Variants in ANKRD55 observed in about 807,000 individuals in gnomAD.
The protein encoded by ANKRD55 is ankyrin repeat domain-containing protein 55.
A neutral mutation model predicts 60.6 loss-of-function variants in ANKRD55; 41 were observed. The ratio of observed to expected loss-of-function variants is 0.68; its 90% confidence interval spans 0.53 to 0.88. The LOEUF (loss-of-function observed/expected upper bound fraction) is 0.88, where lower values mean the gene tolerates loss of function less well. Among genes scored for constraint, ANKRD55 ranks in the 40% least tolerant of loss-of-function variants. The pLI is 0.00. For synonymous variants in ANKRD55, 264 were observed against 290.3 expected (o/e 0.91, Z 0.92); for missense variants, 732 against 767.6 (o/e 0.95, Z 0.55).
chr5:56,122,033 G>A (rs908377658), intron 8 of ANKRD55, among the ~76,000 whole-genome samples: 10 of 152,100 alleles, frequency 6.6e-5, no homozygotes, highest in East Asian at 3.9e-4. Flanking sequence ...CAAATACTTC[G>A]ATCTAAAACA....
intron 4 of ANKRD55, among the ~76,000 whole-genome samples, chr5:56,173,872 T>C (rs1252034528): frequency 6.6e-6 from 1 of 152,128 alleles, no homozygotes; most frequent in Admixed American, 6.6e-5. Flanking sequence ...TATTTGAGTT[T>C]GACACATCTG....
chr5:56,127,086 G>A lies in ANKRD55; in HGVS notation c.633C>T (p.Cys211=), dbSNP rs773985846. ...WAVQSGNRIL[C]SIILSHHQGP... ...CCTGGTGATGGCTCAGAATGATGGA[G>A]CACAGAATCCTATTTCCACTCTGGA... is the stretch of plus-strand genomic sequence containing the variant. Residue 211 remains cysteine, a synonymous_variant, in exon 8 of 12, where the codon TGC becomes TGT. Transcript: ENST00000341048. The A allele has an allele frequency of 6.2e-7, 1 of 1,610,674 alleles. No homozygotes were observed. The highest frequency in any genetic ancestry group is 8.5e-7 in the Non-Finnish European group (1 of 1,178,326).
intron 2 of ANKRD55, among the ~76,000 whole-genome samples, chr5:56,215,493 G>A (rs1324551225): frequency 6.6e-6 from 1 of 152,210 alleles, no homozygotes; most frequent in African/African-American, 2.4e-5. Context: ...GTCCCTGCCA[G>A]CTCACCTTGA....
At chr5:56,214,963 T>C (rs1759766855) in intron 2 of ANKRD55, among the ~76,000 whole-genome samples, 1 of 152,122 alleles carries the variant, frequency 6.6e-6, no homozygotes. Context: ...CCTCTTACAG[T>C]TTTTTAAAAT....
At chr5:56,166,861 G>A (rs1036476654) in intron 5 of ANKRD55, among the ~76,000 whole-genome samples, 8 of 152,194 alleles carry the variant, frequency 5.3e-5, no homozygotes, top group African/African-American at 7.2e-5. Flanking sequence ...AGAATTTTTC[G>A]GAGGTGCTAA....
intron 9 of ANKRD55, among the ~76,000 whole-genome samples, chr5:56,113,914 T>C (rs1363991585): frequency 6.6e-6 from 1 of 151,266 alleles, no homozygotes. Flanking sequence ...CTTCCCAAAG[T>C]GTGGAGGTTA....
At chr5:56,168,913 G>GTGGT (rs1470872590) in intron 5 of ANKRD55, among the ~76,000 whole-genome samples, 1 of 152,248 alleles carries the variant, frequency 6.6e-6, no homozygotes, top group African/African-American at 2.4e-5. Flanking sequence ...CTGGAGTGCA[G>GTGGT]TGGTGCAAAC....
Position 56,143,796 on chromosome 5 carries a change from C to G in ANKRD55, c.612+5G>C, listed in dbSNP as rs1757828790. On this transcript the variant is annotated splice_donor_5th_base_variant and intron_variant, in intron 7 of 11. Coordinates refer to ENST00000341048, the MANE Select transcript of ANKRD55 (RefSeq NM_024669.3). Reference sequence around the variant, plus strand: ...CTGAGACCAGTCCACAGGTCAATTTCTCACCTGGACTGCCCAGTGGAGAGC... The same window carrying G: ...CTGAGACCAGTCCACAGGTCAATTTGTCACCTGGACTGCCCAGTGGAGAGC... The G allele has an allele frequency of 6.2e-7, 1 of 1,614,050 alleles. No homozygotes were observed. Among genetic ancestry groups the G allele is most frequent in the Non-Finnish European group, 8.5e-7 (1 of 1,180,022 alleles).
intron 6 of ANKRD55, among the ~76,000 whole-genome samples, chr5:56,148,741 T>C (rs1230248223): frequency 6.6e-6 from 1 of 152,128 alleles, no homozygotes; most frequent in Admixed American, 6.5e-5. Flanking sequence ...AGAACTGTAC[T>C]TTTAGAGTGT....
chr5:56,179,232 T>C (rs540656247), intron 3 of ANKRD55, among the ~76,000 whole-genome samples: 2 of 152,342 alleles, frequency 1.3e-5, no homozygotes, highest in East Asian at 3.9e-4. Flanking sequence ...TCCACTTGAA[T>C]AAATCTTAAA....
intron 7 of ANKRD55, among the ~76,000 whole-genome samples, chr5:56,129,184 G>T (rs1757347639): frequency 6.6e-6 from 1 of 152,154 alleles, no homozygotes; most frequent in Non-Finnish European, 1.5e-5. Context: ...AGGCCTGGGA[G>T]GTAGGGAAAG....
chr5:56,208,708 C>A (rs1348546306), intron 2 of ANKRD55, among the ~76,000 whole-genome samples: 1 of 152,150 alleles, frequency 6.6e-6, no homozygotes, highest in Non-Finnish European at 1.5e-5. Context: ...CAGGCGTGAG[C>A]CACCGCGCCC....
At chr5:56,132,589 T>TAA (rs1183428923) in intron 7 of ANKRD55, among the ~76,000 whole-genome samples, 11 of 84,752 alleles carry the variant, frequency 1.3e-4, no homozygotes, top group African/African-American at 3.7e-4. Context: ...AGACTCTATC[T>TAA]AAAAAAAAAA....
At chr5:56,152,419 T>A (rs1448065612) in intron 6 of ANKRD55, among the ~76,000 whole-genome samples, 1 of 152,132 alleles carries the variant, frequency 6.6e-6, no homozygotes, top group African/African-American at 2.4e-5. Flanking sequence ...ATTTAATATA[T>A]CCTAAACAAT....
intron 6 of ANKRD55, among the ~76,000 whole-genome samples, chr5:56,153,665 C>G (rs1206166844): frequency 1.3e-5 from 2 of 151,550 alleles, no homozygotes; most frequent in African/African-American, 4.9e-5. Flanking sequence ...TGGTGAAACC[C>G]TGTCTCTACT....
intron 2 of ANKRD55, among the ~76,000 whole-genome samples, chr5:56,232,110 A>G (rs1192914144): frequency 6.6e-6 from 1 of 152,222 alleles, no homozygotes; most frequent in Admixed American, 6.5e-5. Flanking sequence ...CTAAAAAAAG[A>G]TTTACTATTA....
intron 2 of ANKRD55, among the ~76,000 whole-genome samples, chr5:56,203,622 G>A (rs1759431127): frequency 6.6e-6 from 1 of 152,130 alleles, no homozygotes; most frequent in Non-Finnish European, 1.5e-5. Flanking sequence ...TGCTGAGAAT[G>A]ATGGTTTCCA....
Position 56,126,838 on chromosome 5 carries a change from A to G in ANKRD55, c.797+84T>C, listed in dbSNP as rs1757273756. On this transcript the variant is annotated intron_variant, in intron 8 of 11. Coordinates refer to ENST00000341048, the MANE Select transcript of ANKRD55 (RefSeq NM_024669.3). ...CAATAGGGATATAGCTGTATAGGAC[A>G]CCTCCTTAAACATCTCCTTTATTTT... 1.9e-5 allele frequency: 28 copies of G among 1,448,054 alleles called. No individual in the cohort carries two copies. In the South Asian group the frequency reaches 3.8e-4, roughly 19 times the overall value. 89.7% of individuals were successfully genotyped at this position (1,448,054 alleles called of 1,614,324 possible).
At chr5:56,231,251 C>T (rs1474589215) in intron 2 of ANKRD55, among the ~76,000 whole-genome samples, 5 of 152,062 alleles carry the variant, frequency 3.3e-5, no homozygotes, top group Non-Finnish European at 7.4e-5. Flanking sequence ...AGAATCCGGC[C>T]CAGGTGGAGG....
Sources: allele counts gnomAD v4.1 joint callset (sites outside exome capture counted in the v4.1 genomes callset), GRCh38; gene constraint gnomAD v4.1.1; transcripts MANE v1.5; gene names NCBI Gene and HGNC (gene_info 2026-07-23, HGNC 2026-07-21).